The following OPRM1 variants were observed in gnomAD, a reference collection of about 807,000 sequenced individuals.
OPRM1 encodes mu-type opioid receptor.
A neutral mutation model predicts 31.8 loss-of-function variants in OPRM1; 27 were observed. The observed-to-expected ratio is 0.85, with a 90% confidence interval of 0.63 to 1.17. The LOEUF (loss-of-function observed/expected upper bound fraction) is 1.17. OPRM1 is among the 50% of genes most tolerant of loss of function. The pLI, the probability that OPRM1 is intolerant of heterozygous loss-of-function variation, is 0.00. For synonymous variants in OPRM1, 196 were observed against 189.9 expected (o/e 1.03, Z -0.26); for missense variants, 536 against 511.1 (o/e 1.05, Z -0.47).
intron 3 of OPRM1, among the ~76,000 whole-genome samples, chr6:154,215,436 A>G (rs1173015186): frequency 6.6e-6 from 1 of 151,942 alleles, no homozygotes; most frequent in Non-Finnish European, 1.5e-5. Context: ...AAACCCCGTC[A>G]CTACTTAAAA....
chr6:154,086,836 G>A (rs1356365898), intron 1 of OPRM1: 1 of 985,118 alleles, frequency 1.0e-6, no homozygotes, highest in Non-Finnish European at 1.2e-6. Flanking sequence ...AACCAACGGT[G>A]AATCTAGCAA....
intron 1 of OPRM1, chr6:154,087,064 C>T: frequency 1.0e-6 from 1 of 984,186 alleles, no homozygotes; most frequent in Non-Finnish European, 1.2e-6. Flanking sequence ...TTTCTCTCCT[C>T]AAGTTAAATG....
Position 154,022,844 on chromosome 6 carries a change from A to G in OPRM1, c.-1+11826A>G, listed in dbSNP as rs544981930. ...ATGTATGTTCTTGACACCTTTGTAA[A>G]AAACTGAGTTCACTGTAAGTGTGTA... On this transcript the variant is annotated intron_variant, in intron 1 of 5. Transcript: ENST00000434900. 5.3e-5 allele frequency among the ~76,000 whole-genome samples: 8 copies of G among 152,290 alleles called. No individual in the cohort carries two copies. In the East Asian group the frequency reaches 1.3e-3, roughly 26 times the overall value.
intron 3 of OPRM1, among the ~76,000 whole-genome samples, chr6:154,201,210 T>C (rs929977071): frequency 1.1e-4 from 16 of 152,232 alleles, no homozygotes; most frequent in African/African-American, 3.9e-4. Flanking sequence ...TCTCTGATAG[T>C]TCTTTACAGA....
intron 3 of OPRM1, among the ~76,000 whole-genome samples, chr6:154,152,303 G>GAA (rs1203286665): frequency 3.6e-5 from 3 of 83,506 alleles, no homozygotes; most frequent in African/African-American, 5.2e-5. Flanking sequence ...AGAGAAGAAA[G>GAA]AAAGAAAGAA....
chr6:154,011,509 T>C lies in OPRM1; in HGVS notation c.-1+491T>C, dbSNP rs138166909. Among the ~76,000 whole-genome samples, 864 of 152,306 alleles carry C rather than the reference T, an allele frequency of 5.7e-3. 6 individuals are homozygous for C. Among genetic ancestry groups the C allele is most frequent in the African/African-American group, 0.02 (822 of 41,570 alleles). On this transcript the variant is annotated intron_variant, in intron 1 of 5. Transcript: ENST00000434900. ...CTGCTTTAAGAATGCATAATTATCT[T>C]TGTACACCTATATGCATGTGTATTC...
intron 3 of OPRM1, among the ~76,000 whole-genome samples, chr6:154,235,918 A>G (rs1041023896): frequency 6.6e-6 from 1 of 152,210 alleles, no homozygotes; most frequent in Non-Finnish European, 1.5e-5. Flanking sequence ...TTGAGGATGT[A>G]GAGAAAATGG....
At chr6:154,104,121 TA>T (rs1795249338) in intron 3 of OPRM1, among the ~76,000 whole-genome samples, 1 of 152,178 alleles carries the variant, frequency 6.6e-6, no homozygotes, top group African/African-American at 2.4e-5. Context: ...TCAGGCTGAA[TA>T]GGGGCAATAA....
chr6:154,223,074 C>G, intron 3 of OPRM1: 1 of 960,426 alleles, frequency 1.0e-6, no homozygotes, highest in Non-Finnish European at 1.7e-6. Flanking sequence ...TCCGATGTTA[C>G]CTTCACTCAC....
intron 1 of OPRM1, among the ~76,000 whole-genome samples, chr6:154,088,204 C>T (rs568634353): frequency 7.8e-4 from 118 of 152,118 alleles, no homozygotes; most frequent in Non-Finnish European, 1.3e-3. Flanking sequence ...GTGAAAGAAG[C>T]AGCACAAAAA....
At chr6:154,186,806 T>G (rs1346477910) in intron 3 of OPRM1, among the ~76,000 whole-genome samples, 1 of 152,100 alleles carries the variant, frequency 6.6e-6, no homozygotes, top group Non-Finnish European at 1.5e-5. Context: ...TCCACCTGCC[T>G]CGGCCTCCCA....
intron 2 of OPRM1, 40 bp downstream of exon 2, chr6:154,090,218 G>A (rs1399307406): frequency 7.4e-7 from 1 of 1,353,904 alleles, no homozygotes; most frequent in Non-Finnish European, 1.0e-6. Context: ...AGGGTTCACA[G>A]CCTGATATGT....
intron 1 of OPRM1, among the ~76,000 whole-genome samples, chr6:154,066,523 C>G (rs1339263760): frequency 1.3e-5 from 2 of 151,436 alleles, no homozygotes. Flanking sequence ...TCCCATCCCC[C>G]CCAAAAAAAA....
At chr6:154,143,158 A>G (rs1366749264) in intron 3 of OPRM1, among the ~76,000 whole-genome samples, 1 of 152,212 alleles carries the variant, frequency 6.6e-6, no homozygotes, top group African/African-American at 2.4e-5. Flanking sequence ...TGTGTTTAAT[A>G]TAAGGTAATT....
chr6:154,130,880 T>C lies in OPRM1; in HGVS notation c.*12159T>C, dbSNP rs1797858775. Among the ~76,000 whole-genome samples, 1 of 152,098 alleles carries C rather than the reference T, an allele frequency of 6.6e-6. No homozygotes were observed. The highest frequency in any genetic ancestry group is 1.5e-5 in the Non-Finnish European group (1 of 68,002). ...CCCCTGGCAATACATTTCCTGAACT[T>C]TTACATACTTAAATAGCCAGTTATG... On this transcript the variant is annotated 3_prime_UTR_variant, in exon 4 of 4. Coordinates refer to ENST00000330432, the MANE Select transcript of OPRM1 (RefSeq NM_000914.5).
At chr6:154,181,693 A>T (rs1374021188) in intron 3 of OPRM1, among the ~76,000 whole-genome samples, 14 of 152,180 alleles carry the variant, frequency 9.2e-5, no homozygotes, top group Non-Finnish European at 7.3e-5. Flanking sequence ...TGAGGTTCCC[A>T]GGTTTTGTAC....
At chr6:154,080,211 G>C (rs1788785641) in intron 1 of OPRM1, among the ~76,000 whole-genome samples, 1 of 152,160 alleles carries the variant, frequency 6.6e-6, no homozygotes, top group African/African-American at 2.4e-5. Context: ...TATCACATAA[G>C]TGAAATGTAA....
intron 1 of OPRM1, among the ~76,000 whole-genome samples, chr6:154,040,298 C>G (rs1779795413): frequency 6.6e-6 from 1 of 151,926 alleles, no homozygotes; most frequent in Non-Finnish European, 1.5e-5. Flanking sequence ...GGGGAGCAGT[C>G]TCAAGTCTTC....
intron 3 of OPRM1, chr6:154,107,703 C>T (rs764748136): frequency 1.4e-6 from 1 of 718,558 alleles, no homozygotes; most frequent in South Asian, 1.5e-5. Flanking sequence ...AAAGGTCAAG[C>T]TCCCAAGGTG....
Sources: allele counts gnomAD v4.1 joint callset (sites outside exome capture counted in the v4.1 genomes callset), GRCh38; gene constraint gnomAD v4.1.1; transcripts MANE v1.5; gene names NCBI Gene and HGNC (gene_info 2026-07-23, HGNC 2026-07-21).